The following NSG1 variants were observed in gnomAD, a reference collection of about 807,000 sequenced individuals.
The protein encoded by NSG1 is neuronal vesicle trafficking-associated protein 1.
NSG1 carries 9 observed loss-of-function variants against 19.3 expected under a neutral mutation model. That is an observed-to-expected ratio of 0.47 (90% CI 0.28 to 0.81). NSG1 has a LOEUF of 0.81. Ranked by LOEUF, NSG1 falls within the 40% of genes least tolerant of loss-of-function variation. The probability of loss-of-function intolerance (pLI) is 0.11; values close to 1 mark genes in which losing one functional copy is unlikely to be tolerated. For synonymous variants in NSG1, 104 were observed against 107.0 expected, an observed-to-expected ratio of 0.97 and a Z score of 0.17; for missense variants, 236 against 242.4, an observed-to-expected ratio of 0.97 and a Z score of 0.18.
At chr4:4,412,323 G>A (rs1268023435) in intron 4 of NSG1, among the ~76,000 whole-genome samples, 2 of 151,786 alleles carry the variant, frequency 1.3e-5, no homozygotes, top group Non-Finnish European at 2.9e-5. Context: ...GTGTCCGGCT[G>A]CAGATGAGAC....
At position 4,411,771 on chromosome 4, in the gene NSG1, A is replaced by ACACAACACAACACAACACAAC. The variant is rs1560147702; in HGVS notation, c.357+2088_357+2089insCACAACACAACACAACACAAC. Among the ~76,000 whole-genome samples the ACACAACACAACACAACACAAC allele has an allele frequency of 7.5e-3, 888 of 118,468 alleles. 16 individuals carry two copies. The highest frequency in any genetic ancestry group is 0.036 in the African/African-American group (835 of 23,504). The allele number at this position is 118,468 out of a possible 152,430, so 77.7% of individuals were successfully genotyped here. A position where few individuals can be genotyped will look rare whatever the true frequency, so the allele number is the denominator to read the frequency against. On this transcript the variant is annotated intron_variant, in intron 4 of 4. Transcript: ENST00000621129. The stretch of plus-strand genomic sequence containing the variant: ...AACAAAACAAAACAAAACAAAACAA[A>ACACAACACAACACAACACAAC]ACAAAACAAAACAAAACAAAACATT...
At chr4:4,409,349 A>G (rs1027653658) in intron 3 of NSG1, among the ~76,000 whole-genome samples, 1 of 152,286 alleles carries the variant, frequency 6.6e-6, no homozygotes. Flanking sequence ...TAACTAATTT[A>G]AAATGAATGT....
chr4:4,401,942 A>G (rs1301315544), intron 3 of NSG1, among the ~76,000 whole-genome samples: 1 of 151,376 alleles, frequency 6.6e-6, no homozygotes, highest in Non-Finnish European at 1.5e-5. Flanking sequence ...GTGTAGTGGC[A>G]CCATCTCGGC....
At chr4:4,390,157 T>C (rs898739678) in intron 2 of NSG1, among the ~76,000 whole-genome samples, 8 of 152,300 alleles carry the variant, frequency 5.3e-5, no homozygotes, top group African/African-American at 1.9e-4. Flanking sequence ...GTCACATGGC[T>C]AGTTGGGTCC....
intron 3 of NSG1, among the ~76,000 whole-genome samples, chr4:4,401,559 C>T (rs1374609649): frequency 6.6e-6 from 1 of 152,188 alleles, no homozygotes; most frequent in African/African-American, 2.4e-5. Flanking sequence ...CACCTCCTCC[C>T]AGAAGCCTTC....
Position 4,415,808 on chromosome 4 carries a change from T to C in NSG1, c.358-1427T>C, listed in dbSNP as rs1353837149. 4.7e-5 allele frequency: 17 copies of C among 363,048 alleles called. No homozygotes were observed. The Admixed American group carries it at 7.2e-4, about 15-fold the overall frequency. 22.5% of individuals were successfully genotyped at this position (363,048 alleles called of 1,614,324 possible). On this transcript the variant is annotated intron_variant, in intron 4 of 4. Transcript: ENST00000621129. ...AGGGAAGAGGGGAACCCTTGGTCCGTTTCCCTGAGGGATGACGAGCAGCAG... is the reference window on the plus strand; with the variant it reads ...AGGGAAGAGGGGAACCCTTGGTCCGCTTCCCTGAGGGATGACGAGCAGCAG...
At chr4:4,402,370 T>A (rs1375988767) in intron 3 of NSG1, among the ~76,000 whole-genome samples, 3 of 98,454 alleles carry the variant, frequency 3.0e-5, no homozygotes, top group Non-Finnish European at 5.9e-5. Context: ...CACGCCTGGT[T>A]ATTTTTTTTT....
chr4:4,398,695 T>C (rs1723397924), intron 3 of NSG1, among the ~76,000 whole-genome samples: 1 of 152,266 alleles, frequency 6.6e-6, no homozygotes, highest in African/African-American at 2.4e-5. Flanking sequence ...CATTGGTTGA[T>C]AGACATTTGG....
At position 4,418,341 on chromosome 4, in the gene NSG1, G is replaced by GT. The variant is rs1724704034; in HGVS notation, c.*907dup. On this transcript the variant is annotated 3_prime_UTR_variant, in exon 5 of 5. Transcript: ENST00000621129. ...TGAGCTGGGTGGGAAAAGTGGAAAT[G>GT]TAATTTCTGGTAAGCTTGAGCTACT... 6.8e-6 allele frequency: 1 copy of GT among 147,656 alleles called. No individual in the cohort carries two copies. Among genetic ancestry groups the GT allele is most frequent in the Non-Finnish European group, 1.5e-5 (1 of 66,824 alleles). The allele number at this position is 147,656 out of a possible 1,614,324, so 9.1% of individuals were successfully genotyped here. A position where few individuals can be genotyped will look rare whatever the true frequency, so the allele number is the denominator to read the frequency against.
intron 3 of NSG1, 95 bp downstream of exon 3, chr4:4,391,686 C>A: frequency 1.3e-6 from 1 of 754,066 alleles, no homozygotes; most frequent in Non-Finnish European, 2.2e-6. Flanking sequence ...CAGGGTTTGA[C>A]GCCGTTTGTC....
At chr4:4,387,583 C>T (rs199796312) in intron 1 of NSG1, 21 bp from the exon 2 acceptor site, 7 of 1,570,794 alleles carry the variant, frequency 4.5e-6, no homozygotes, top group Middle Eastern at 1.8e-4. Context: ...GTGGTGACTC[C>T]CCCCGGCCCT....
upstream of NSG1, chr4:4,386,543 C>T (rs9684730): frequency 0.021 from 3,246 of 152,496 alleles, 105 homozygotes; most frequent in African/African-American, 0.067. Flanking sequence ...TCGCCCCCTC[C>T]CCAACCCAGC....
In NSG1 at chr4:4,416,128, G is replaced by A. The variant is rs1300550007; in HGVS notation, c.358-1107G>A. ...GACTTGAGTCCTCAGCAACACGGTG[G>A]TGTGACTCATTGGCCGCATTTTATA... On this transcript the variant is annotated intron_variant, in intron 4 of 4. Coordinates refer to ENST00000621129, the MANE Select transcript of NSG1 (RefSeq NM_014392.5). 4.3e-6 allele frequency: 3 copies of A among 702,248 alleles called. No individual in the cohort carries two copies. The East Asian group carries it at 8.1e-5, about 19-fold the overall frequency. The allele number at this position is 702,248 out of a possible 1,614,324, so 43.5% of individuals were successfully genotyped here.
chr4:4,390,666 C>A (rs4689417), intron 2 of NSG1, among the ~76,000 whole-genome samples: 46,815 of 152,118 alleles, frequency 0.31, 8,572 homozygotes, highest in African/African-American at 0.51. Context: ...ACACCTTGAC[C>A]CTGCTCTTGA....
chr4:4,394,403 G>A (rs1680210787), intron 3 of NSG1, among the ~76,000 whole-genome samples: 1 of 152,100 alleles, frequency 6.6e-6, no homozygotes, highest in Non-Finnish European at 1.5e-5. Flanking sequence ...GTGTCTTTCT[G>A]AGTCCTGGTT....
intron 4 of NSG1, chr4:4,415,784 G>A: frequency 3.2e-6 from 1 of 307,750 alleles, no homozygotes; most frequent in Non-Finnish European, 6.1e-6. Flanking sequence ...CGAGGTGGGA[G>A]GGAAGAGGGG....
chr4:4,392,669 T>A (rs978138120), intron 3 of NSG1, among the ~76,000 whole-genome samples: 1 of 152,200 alleles, frequency 6.6e-6, no homozygotes, highest in African/African-American at 2.4e-5. Context: ...CTTCTTCCCG[T>A]TGCCACACAC....
chr4:4,400,390 C>T (rs1723488436), intron 3 of NSG1, among the ~76,000 whole-genome samples: 1 of 152,148 alleles, frequency 6.6e-6, no homozygotes, highest in African/African-American at 2.4e-5. Flanking sequence ...AAATTGAGAA[C>T]TCCTCCAATT....
rs923225895 is a variant in NSG1, at chr4:4,418,973, A to C, written c.*1538A>C. The stretch of plus-strand genomic sequence containing the variant: ...GTGCAGAGGCCGAGCCTGTATTTCC[A>C]GGTAGACGTGGACTTTATTGACTGT... On this transcript the variant is annotated 3_prime_UTR_variant, in exon 5 of 5. Transcript: ENST00000621129. 1.3e-5 allele frequency: 2 copies of C among 152,248 alleles called. No homozygotes were observed. Among genetic ancestry groups the C allele is most frequent in the Non-Finnish European group, 2.9e-5 (2 of 68,046 alleles). 9.4% of individuals were successfully genotyped at this position (152,248 alleles called of 1,614,324 possible). A position where few individuals can be genotyped will look rare whatever the true frequency, so the allele number is the denominator to read the frequency against.
Sources: gnomAD v4.1 joint callset for allele counts (sites outside exome capture counted in the v4.1 genomes callset) on GRCh38, gnomAD v4.1.1 for gene constraint, MANE v1.5 for transcripts, NCBI Gene and HGNC (gene_info 2026-07-23, HGNC 2026-07-21) for gene names.